SH3GL3: variants seen among roughly 807,000 people sequenced by gnomAD.
SH3GL3 encodes the protein SH3 domain containing GRB2 like 3, endophilin A3, also known as endophilin-A3.
Under a neutral mutation model 47.7 loss-of-function variants are expected in SH3GL3, and 33 were observed. The observed-to-expected ratio is 0.69, with a 90% CI of 0.52 to 0.92. SH3GL3 has a LOEUF of 0.92. SH3GL3 is among the 40% of genes least tolerant of loss of function. SH3GL3 has a pLI of 0.00. For synonymous variants in SH3GL3, 155 were observed against 148.8 expected (o/e 1.04, Z -0.30); for missense variants, 363 against 417.8 (o/e 0.87, Z 1.14).
chr15:83,597,639 C>T (rs1024501775), intron 8 of SH3GL3, among the ~76,000 whole-genome samples: 2 of 149,682 alleles, frequency 1.3e-5, no homozygotes, highest in East Asian at 2.0e-4. Flanking sequence ...GATGGAGTTT[C>T]GCTCTTGTCA....
At chr15:83,536,034 G>T (rs2043886416) in intron 1 of SH3GL3, among the ~76,000 whole-genome samples, 2 of 152,234 alleles carry the variant, frequency 1.3e-5, no homozygotes, top group African/African-American at 4.8e-5. Context: ...CTGAAAAAAA[G>T]ATAGGATATG....
intron 8 of SH3GL3, among the ~76,000 whole-genome samples, chr15:83,601,180 C>T (rs1175543425): frequency 6.6e-6 from 1 of 152,126 alleles, no homozygotes; most frequent in Non-Finnish European, 1.5e-5. Flanking sequence ...GATTTGGATG[C>T]CCTTTATTTC....
intron 1 of SH3GL3, among the ~76,000 whole-genome samples, chr15:83,490,353 G>A (rs2041825963): frequency 6.6e-6 from 1 of 150,724 alleles, no homozygotes; most frequent in Non-Finnish European, 1.5e-5. Flanking sequence ...TTATATGCCA[G>A]TCACTGGTGG....
intron 1 of SH3GL3, among the ~76,000 whole-genome samples, chr15:83,547,804 T>C (rs1440657539): frequency 6.6e-6 from 1 of 151,208 alleles, no homozygotes; most frequent in Non-Finnish European, 1.5e-5. Flanking sequence ...TGCTGGCTGA[T>C]GCTTCTTGTC....
intron 2 of SH3GL3, among the ~76,000 whole-genome samples, chr15:83,564,007 C>T (rs1448830617): frequency 6.6e-6 from 1 of 152,112 alleles, no homozygotes; most frequent in African/African-American, 2.4e-5. Context: ...ACTTCACATA[C>T]TCTATGTCTT....
chr15:83,534,422 C>T (rs915423027), intron 1 of SH3GL3, among the ~76,000 whole-genome samples: 1 of 152,178 alleles, frequency 6.6e-6, no homozygotes, highest in Non-Finnish European at 1.5e-5. Flanking sequence ...CCCTCTCTCC[C>T]TCCCTCTTGT....
rs79818375 is a variant in SH3GL3 at position 83,604,319 on chromosome 15, C to T, written c.839-13763C>T. On this transcript the variant is annotated intron_variant, in intron 8 of 8. Transcript: ENST00000427482. ...TGTCTCTATCTTTCCAGCTTGCACC[C>T]GAGTAGTTCTTAGAGACAGGACCTC... Among the ~76,000 whole-genome samples the T allele has an allele frequency of 1.8e-4, 27 of 152,260 alleles. No individual in the cohort carries two copies. The East Asian group carries it at 3.3e-3, about 19-fold the overall frequency.
intron 1 of SH3GL3, among the ~76,000 whole-genome samples, chr15:83,533,423 C>T (rs962541373): frequency 8.6e-5 from 13 of 152,010 alleles, no homozygotes; most frequent in African/African-American, 2.4e-4. Flanking sequence ...GAAGACAAAT[C>T]GGTTAATAGG....
chr15:83,608,082 C>T (rs1227131312), intron 8 of SH3GL3, among the ~76,000 whole-genome samples: 1 of 151,912 alleles, frequency 6.6e-6, no homozygotes, highest in Non-Finnish European at 1.5e-5. Flanking sequence ...TAATATAACC[C>T]GAGTAAATTG....
Position 83,565,189 on chromosome 15 carries a change from A to G in SH3GL3, c.170A>G (p.Tyr57Cys), listed in dbSNP as rs1386032892. The change falls in exon 3 of 9, where the codon TAT (tyrosine) becomes TGT (cysteine). Residue 57 changes from tyrosine (Y) to cysteine (C), a missense_variant. Tyr to Cys is a radical substitution (Grantham distance 194). Transcript: ENST00000427482. ...GAAATTCTTTCAAAAACCACTGAATATCTTCAGCCAAATCCAGGTAAAGTT... is the reference window on the plus strand; with the variant it reads ...GAAATTCTTTCAAAAACCACTGAATGTCTTCAGCCAAATCCAGGTAAAGTT... ...VAEILSKTTEYLQPNPAYRAK... is the reference protein window; with the variant it reads ...VAEILSKTTECLQPNPAYRAK... The G allele has an allele frequency of 8.2e-6, 13 of 1,578,766 alleles. No homozygotes were observed. The South Asian group carries it at 1.0e-4, about 12-fold the overall frequency.
At chr15:83,618,957 T>C (rs2060895549), downstream of SH3GL3, among the ~76,000 whole-genome samples, 1 of 152,190 alleles carries the variant, frequency 6.6e-6, no homozygotes, top group Non-Finnish European at 1.5e-5. Context: ...CAAGTTTATT[T>C]ATAAAAGACC....
At chr15:83,467,115 TAGTC>T (rs2040604039) in intron 1 of SH3GL3, among the ~76,000 whole-genome samples, 1 of 152,242 alleles carries the variant, frequency 6.6e-6, no homozygotes, top group African/African-American at 2.4e-5. Flanking sequence ...AACTCTTGCT[TAGTC>T]AGAGATCATG....
At chr15:83,559,844 G>A (rs1183166126) in intron 2 of SH3GL3, among the ~76,000 whole-genome samples, 1 of 152,174 alleles carries the variant, frequency 6.6e-6, no homozygotes, top group Admixed American at 6.5e-5. Context: ...GATGACAAGT[G>A]TGCCCTGCTT....
intron 3 of SH3GL3, among the ~76,000 whole-genome samples, chr15:83,567,686 A>G (rs950409020): frequency 1.3e-5 from 2 of 152,114 alleles, no homozygotes; most frequent in African/African-American, 4.8e-5. Flanking sequence ...AGGCTCAATC[A>G]GTCCTTGGGA....
chr15:83,488,565 G>A (rs781208803), intron 1 of SH3GL3, among the ~76,000 whole-genome samples: 18 of 152,152 alleles, frequency 1.2e-4, no homozygotes, highest in Non-Finnish European at 2.1e-4. Flanking sequence ...CCTCTTCCTC[G>A]ACACACTTTA....
intron 1 of SH3GL3, among the ~76,000 whole-genome samples, chr15:83,524,056 T>A (rs2043318262): frequency 6.6e-6 from 1 of 152,142 alleles, no homozygotes; most frequent in Middle Eastern, 3.2e-3. Context: ...GTTTGGAAGT[T>A]TTGCTTAAGT....
At chr15:83,554,019 C>CT (rs373240676) in intron 1 of SH3GL3, among the ~76,000 whole-genome samples, 24,683 of 129,412 alleles carry the variant, frequency 0.19, 3,118 homozygotes, top group Non-Finnish European at 0.27. Context: ...TTCTCTCGCT[C>CT]TTTTTTTTTT....
At chr15:83,520,990 G>A (rs1044608942) in intron 1 of SH3GL3, among the ~76,000 whole-genome samples, 5 of 152,038 alleles carry the variant, frequency 3.3e-5, no homozygotes, top group South Asian at 2.1e-4. Flanking sequence ...TTAAATACTC[G>A]GTATAAATTT....
At chr15:83,480,100 A>G (rs1172851180) in intron 1 of SH3GL3, among the ~76,000 whole-genome samples, 1 of 152,216 alleles carries the variant, frequency 6.6e-6, no homozygotes, top group Non-Finnish European at 1.5e-5. Flanking sequence ...GAAACTAATT[A>G]GTTGTTTCTT....
Sources: gnomAD v4.1 joint callset for allele counts (sites outside exome capture counted in the v4.1 genomes callset) on GRCh38, gnomAD v4.1.1 for gene constraint, MANE v1.5 for transcripts, NCBI Gene and HGNC (gene_info 2026-07-23, HGNC 2026-07-21) for gene names.